The following C1GALT1 variants were observed in gnomAD, a reference collection of about 807,000 sequenced individuals.
The protein encoded by C1GALT1 is core 1 synthase, glycoprotein-N-acetylgalactosamine 3-beta-galactosyltransferase 1.
In C1GALT1, 11 loss-of-function variants were observed where a neutral mutation model predicts 31.0. That is an observed-to-expected ratio of 0.36 (90% CI 0.22 to 0.59). C1GALT1 has a LOEUF of 0.59. Ranked by LOEUF, C1GALT1 falls within the 20% of genes least tolerant of loss-of-function variation. C1GALT1 has a pLI of 0.79. For missense variants in C1GALT1, 424 were observed against 425.2 expected, an observed-to-expected ratio of 1.00 and a Z score of 0.03; for synonymous variants, 175 against 143.6, an observed-to-expected ratio of 1.22 and a Z score of -1.56.
chr7:7,183,312 G>A (rs945503312), intron 1 of C1GALT1, among the ~76,000 whole-genome samples: 1 of 152,240 alleles, frequency 6.6e-6, no homozygotes, highest in East Asian at 1.9e-4. Flanking sequence ...GGAGCCACTC[G>A]GCTGCCGCGC....
intron 2 of C1GALT1, among the ~76,000 whole-genome samples, chr7:7,162,006 G>A (rs72572454): frequency 0.19 from 28,800 of 151,072 alleles, 3,402 homozygotes; most frequent in East Asian, 0.4. Flanking sequence ...ATGGTGAAAT[G>A]ATTATGGCCT....
At chr7:7,220,457 C>T (rs1026049450) in intron 1 of C1GALT1, among the ~76,000 whole-genome samples, 3 of 152,212 alleles carry the variant, frequency 2.0e-5, no homozygotes, top group Admixed American at 2.0e-4. Flanking sequence ...CCTACTGGTG[C>T]TTTAAAATAT....
intron 1 of C1GALT1, among the ~76,000 whole-genome samples, chr7:7,185,355 T>C (rs920669623): frequency 2.0e-5 from 3 of 152,220 alleles, no homozygotes; most frequent in Admixed American, 6.5e-5. Flanking sequence ...GGCATAGTTA[T>C]TTGCATTCTT....
rs1415720817 is a variant in C1GALT1, at chr7:7,247,066, G to A, written c.*3339G>A. On this transcript the variant is annotated 3_prime_UTR_variant, in exon 4 of 4. Coordinates refer to ENST00000436587, the MANE Select transcript of C1GALT1 (RefSeq NM_020156.5). The stretch of plus-strand genomic sequence containing the variant: ...TAATTTATTAAAAACATACATAAGT[G>A]TCATCAAAAAGGTCCACAATTGTTA... 6.6e-6 allele frequency: 1 copy of A among 151,968 alleles called. No individual in the cohort carries two copies. Among genetic ancestry groups the A allele is most frequent in the East Asian group, 1.9e-4 (1 of 5,188 alleles). 9.4% of individuals were successfully genotyped at this position (151,968 alleles called of 1,614,324 possible). A position where few individuals can be genotyped will look rare whatever the true frequency, so the allele number is the denominator to read the frequency against.
chr7:7,180,605 G>A (rs918598038), upstream of C1GALT1, among the ~76,000 whole-genome samples: 1 of 152,188 alleles, frequency 6.6e-6, no homozygotes, highest in Non-Finnish European at 1.5e-5. Flanking sequence ...ATGCCTAGAA[G>A]AATGTAACAC....
chr7:7,209,954 C>T (rs1179955407), intron 1 of C1GALT1, among the ~76,000 whole-genome samples: 1 of 151,978 alleles, frequency 6.6e-6, no homozygotes, highest in Non-Finnish European at 1.5e-5. Context: ...GGGCGGGGGA[C>T]ACAAGGTGCT....
chr7:7,187,724 G>A (rs55803136), intron 1 of C1GALT1, among the ~76,000 whole-genome samples: 9 of 152,306 alleles, frequency 5.9e-5, no homozygotes, highest in Non-Finnish European at 8.8e-5. Flanking sequence ...TTGGTGGGAA[G>A]CAAGTGTTGT....
chr7:7,174,784 T>G (rs763343786), intron 2 of C1GALT1, among the ~76,000 whole-genome samples: 1 of 152,020 alleles, frequency 6.6e-6, no homozygotes, highest in Non-Finnish European at 1.5e-5. Context: ...GAATTTCTGT[T>G]TGGTTCCTTT....
chr7:7,224,346 T>C (rs2128244033), intron 1 of C1GALT1, among the ~76,000 whole-genome samples: 1 of 152,078 alleles, frequency 6.6e-6, no homozygotes, highest in African/African-American at 2.4e-5. Context: ...GGAAGTGTTC[T>C]CTCCTACTTT....
Position 7,158,199 on chromosome 7 carries a change from G to A in C1GALT1, c.-18+773G>A, listed in dbSNP as rs567516937. ...CCTGTTAGAATGTCCCTTCCTTTCT[G>A]CTAAAGAAAAGAAATTAAATGGGAG... On this transcript the variant is annotated intron_variant, in intron 2 of 3. Coordinates refer to the C1GALT1 transcript ENST00000429911. Among the ~76,000 whole-genome samples, 13 of 152,232 alleles carry A rather than the reference G, an allele frequency of 8.5e-5. No individual in the cohort carries two copies. The South Asian group carries it at 2.7e-3, about 32-fold the overall frequency.
intron 1 of C1GALT1, among the ~76,000 whole-genome samples, chr7:7,224,855 C>A (rs1208148081): frequency 6.6e-6 from 1 of 151,952 alleles, no homozygotes; most frequent in East Asian, 1.9e-4. Context: ...TGTATTTAAG[C>A]ATAGTGTATT....
intron 1 of C1GALT1, among the ~76,000 whole-genome samples, chr7:7,204,708 C>T (rs1405532102): frequency 2.6e-5 from 4 of 152,076 alleles, no homozygotes; most frequent in Non-Finnish European, 4.4e-5. Flanking sequence ...TCTTCCTTAG[C>T]ACTGCTTTAT....
chr7:7,197,750 T>C (rs1449088350), intron 1 of C1GALT1, among the ~76,000 whole-genome samples: 1 of 152,176 alleles, frequency 6.6e-6, no homozygotes, highest in Non-Finnish European at 1.5e-5. Context: ...CTTGAAGAGG[T>C]CCTTCACATC....
chr7:7,197,056 A>G (rs1439599420), intron 1 of C1GALT1, among the ~76,000 whole-genome samples: 1 of 152,014 alleles, frequency 6.6e-6, no homozygotes, highest in Non-Finnish European at 1.5e-5. Flanking sequence ...ATTAGATCCC[A>G]TTTGTCTATT....
At chr7:7,214,571 C>T (rs1010541042) in intron 1 of C1GALT1, among the ~76,000 whole-genome samples, 13 of 152,168 alleles carry the variant, frequency 8.5e-5, no homozygotes, top group African/African-American at 1.9e-4. Context: ...TTTCGGCTTT[C>T]GAACTTTCGA....
chr7:7,243,017 T>C (rs920666791), intron 3 of C1GALT1, among the ~76,000 whole-genome samples: 5 of 152,158 alleles, frequency 3.3e-5, no homozygotes, highest in Non-Finnish European at 7.4e-5. Context: ...TTGAGAGCTT[T>C]GTCTCAAATA....
intron 1 of C1GALT1, among the ~76,000 whole-genome samples, chr7:7,210,245 C>A (rs1341934919): frequency 6.6e-6 from 1 of 151,422 alleles, no homozygotes; most frequent in East Asian, 1.9e-4. Context: ...AATTGTGGGA[C>A]TATTTTAAAG....
intron 2 of C1GALT1, among the ~76,000 whole-genome samples, chr7:7,167,282 G>A (rs891809): frequency 0.38 from 57,422 of 151,980 alleles, 11,577 homozygotes; most frequent in East Asian, 0.56. Flanking sequence ...TGCCCCGAAT[G>A]GCAATCCAAA....
At chr7:7,192,104 A>G (rs1162937102) in intron 1 of C1GALT1, among the ~76,000 whole-genome samples, 1 of 151,702 alleles carries the variant, frequency 6.6e-6, no homozygotes. Flanking sequence ...TTTAGGTCTT[A>G]TATTTAGGTC....
Sources: allele counts gnomAD v4.1 joint callset (sites outside exome capture counted in the v4.1 genomes callset), GRCh38; gene constraint gnomAD v4.1.1; transcripts MANE v1.5; gene names NCBI Gene and HGNC (gene_info 2026-07-23, HGNC 2026-07-21).